Variants in GABRG1 observed in about 807,000 individuals in gnomAD.
The protein encoded by GABRG1 is gamma-aminobutyric acid type A receptor subunit gamma1.
Under a neutral mutation model 49.8 loss-of-function variants are expected in GABRG1, and 49 were observed. The ratio of observed to expected loss-of-function variants is 0.98; its 90% confidence interval spans 0.78 to 1.25. The LOEUF is 1.25. Ranked by LOEUF, GABRG1 falls within the 50% of genes most tolerant of loss-of-function variation. GABRG1 has a pLI of 0.00. For missense variants in GABRG1, 552 were observed against 552.3 expected, an observed-to-expected ratio of 1.00 and a Z score of 0.01; for synonymous variants, 232 against 185.1, an observed-to-expected ratio of 1.25 and a Z score of -2.06.
At chr4:46,103,638 CTGTTA>C (rs773863191) in intron 1 of GABRG1, among the ~76,000 whole-genome samples, 1 of 151,170 alleles carries the variant, frequency 6.6e-6, no homozygotes. Context: ...AAATTTTTGC[CTGTTA>C]TAATTAAAAA....
At chr4:46,060,827 G>T (rs1718644405) in intron 5 of GABRG1, among the ~76,000 whole-genome samples, 1 of 152,130 alleles carries the variant, frequency 6.6e-6, no homozygotes, top group East Asian at 1.9e-4. Flanking sequence ...ATAGAGGATA[G>T]ACATAGTATA....
intron 1 of GABRG1, among the ~76,000 whole-genome samples, chr4:46,108,206 A>G (rs186080806): frequency 6.6e-6 from 1 of 151,006 alleles, no homozygotes; most frequent in Admixed American, 6.6e-5. Context: ...ATGAATTGAT[A>G]CTCTTTTCAT....
At chr4:46,070,117 C>T (rs1176051221) in intron 3 of GABRG1, among the ~76,000 whole-genome samples, 1 of 151,902 alleles carries the variant, frequency 6.6e-6, no homozygotes, top group Non-Finnish European at 1.5e-5. Flanking sequence ...TATCCTACAT[C>T]TGGAAGAGCT....
At chr4:46,088,725 T>A (rs1402999758) in intron 2 of GABRG1, among the ~76,000 whole-genome samples, 2 of 143,404 alleles carry the variant, frequency 1.4e-5, no homozygotes, top group African/African-American at 5.3e-5. Context: ...ATAGTGTATA[T>A]CCCACTATAA....
intron 1 of GABRG1, among the ~76,000 whole-genome samples, chr4:46,100,510 C>G (rs1362071068): frequency 1.3e-5 from 2 of 151,342 alleles, no homozygotes; most frequent in East Asian, 3.9e-4. Context: ...AGAATCTCTG[C>G]TGGTGTGTGC....
Position 46,093,272 on chromosome 4 carries a change from CA to C in GABRG1, c.253+3928del, listed in dbSNP as rs926012612. On this transcript the variant is annotated intron_variant, in intron 2 of 8. Coordinates refer to ENST00000295452, the MANE Select transcript of GABRG1 (RefSeq NM_173536.4). ...TATACAATTGAGTACCATTCACCCA[CA>C]AAAAAAAGGATAAGATTCTGTCATT... Among the ~76,000 whole-genome samples, 5 of 151,262 alleles carry C rather than the reference CA, an allele frequency of 3.3e-5. No homozygotes were observed. The East Asian group carries it at 7.8e-4, about 24-fold the overall frequency.
At chr4:46,122,624 C>T (rs1721122500) in intron 1 of GABRG1, among the ~76,000 whole-genome samples, 1 of 151,998 alleles carries the variant, frequency 6.6e-6, no homozygotes, top group African/African-American at 2.4e-5. Context: ...CTACTTTAAT[C>T]CAATCTCTAT....
chr4:46,062,931 G>A (rs955954226), intron 5 of GABRG1, among the ~76,000 whole-genome samples: 1 of 151,840 alleles, frequency 6.6e-6, no homozygotes, highest in African/African-American at 2.4e-5. Context: ...GCTTCAAAGA[G>A]AACAAAATAC....
intron 1 of GABRG1, among the ~76,000 whole-genome samples, chr4:46,123,108 AC>A (rs1721141285): frequency 2.4e-5 from 3 of 125,664 alleles, no homozygotes; most frequent in Non-Finnish European, 4.7e-5. Flanking sequence ...ACAAACACAC[AC>A]ACACACACAC....
At chr4:46,062,058 G>A in intron 5 of GABRG1, among the ~76,000 whole-genome samples, 1 of 117,732 alleles carries the variant, frequency 8.5e-6, no homozygotes, top group Admixed American at 1.2e-4. Flanking sequence ...CCCAGAGTGT[G>A]ATGTTCCCCT....
In GABRG1 at chr4:46,051,640, T is replaced by C. The variant is rs1718227543; in HGVS notation, c.917-2A>G. The C allele has an allele frequency of 6.4e-7, 1 of 1,554,180 alleles. No individual in the cohort carries two copies. The highest frequency in any genetic ancestry group is 8.8e-7 in the Non-Finnish European group (1 of 1,138,946). ...TCATAGTCAGAACTGTAGTGATACC[T>C]ATAGAGAGAGGAAACAAAACAGGAA... On this transcript the variant is annotated splice_acceptor_variant, in intron 7 of 8. Transcript: ENST00000295452. LOFTEE classifies it high-confidence loss of function.
chr4:46,091,055 T>C (rs1719972341), intron 2 of GABRG1, among the ~76,000 whole-genome samples: 1 of 151,632 alleles, frequency 6.6e-6, no homozygotes, highest in African/African-American at 2.4e-5. Flanking sequence ...GTTTCCTAAA[T>C]TGTACGTATG....
At chr4:46,073,169 C>T (rs1203757709) in intron 3 of GABRG1, among the ~76,000 whole-genome samples, 1 of 151,904 alleles carries the variant, frequency 6.6e-6, no homozygotes, top group African/African-American at 2.4e-5. Flanking sequence ...TTCATTTAAG[C>T]AGGGAAAGCT....
intron 1 of GABRG1, among the ~76,000 whole-genome samples, chr4:46,112,972 ACAAGGCC>A (rs1389337246): frequency 6.6e-6 from 1 of 151,102 alleles, no homozygotes. Context: ...ACAAGTAACT[ACAAGGCC>A]CCCACATTAT....
chr4:46,102,419 G>A (rs1267209604), intron 1 of GABRG1, among the ~76,000 whole-genome samples: 2 of 151,694 alleles, frequency 1.3e-5, no homozygotes, highest in Non-Finnish European at 2.9e-5. Context: ...AACTTTCTTA[G>A]AAGGGTATTG....
chr4:46,099,693 C>T (rs1720310044), intron 1 of GABRG1, among the ~76,000 whole-genome samples: 1 of 151,632 alleles, frequency 6.6e-6, no homozygotes, highest in Admixed American at 6.6e-5. Context: ...AATTCTGGCC[C>T]CCTCAAGTTA....
chr4:46,111,820 C>A (rs1720725208), intron 1 of GABRG1, among the ~76,000 whole-genome samples: 1 of 151,188 alleles, frequency 6.6e-6, no homozygotes, highest in Non-Finnish European at 1.5e-5. Context: ...CCTTAACTTG[C>A]ACCACATACA....
intron 7 of GABRG1, among the ~76,000 whole-genome samples, chr4:46,054,148 A>T (rs1718352086): frequency 2.1e-5 from 1 of 47,632 alleles, no homozygotes; most frequent in South Asian, 5.3e-4. Flanking sequence ...GTCAAAGATC[A>T]GATAGTTGTA....
intron 3 of GABRG1, among the ~76,000 whole-genome samples, chr4:46,080,576 G>A (rs959965441): frequency 6.6e-6 from 1 of 151,564 alleles, no homozygotes; most frequent in African/African-American, 2.4e-5. Flanking sequence ...TGTGTAATTT[G>A]CTCCACTGGG....
Sources: allele counts gnomAD v4.1 joint callset (sites outside exome capture counted in the v4.1 genomes callset), GRCh38; gene constraint gnomAD v4.1.1; transcripts MANE v1.5; gene names NCBI Gene and HGNC (gene_info 2026-07-23, HGNC 2026-07-21).